The following SLC35D1 variants were observed in gnomAD, a reference collection of about 807,000 sequenced individuals.
SLC35D1 encodes the protein solute carrier family 35 member D1.
In SLC35D1, 31 loss-of-function variants were observed where a neutral mutation model predicts 46.7. The observed-to-expected ratio is 0.66, with a 90% CI of 0.50 to 0.90. The LOEUF is 0.90. Ranked by LOEUF, SLC35D1 falls within the 40% of genes least tolerant of loss-of-function variation. The pLI is 0.00. For missense variants in SLC35D1, 397 were observed against 426.2 expected, an observed-to-expected ratio of 0.93 and a Z score of 0.60; for synonymous variants, 195 against 164.6, an observed-to-expected ratio of 1.18 and a Z score of -1.41.
intron 10 of SLC35D1, among the ~76,000 whole-genome samples, chr1:67,014,823 C>T (rs1286155093): frequency 6.6e-6 from 1 of 151,242 alleles, no homozygotes; most frequent in Non-Finnish European, 1.5e-5. Flanking sequence ...AAATTTGAGA[C>T]TTTAGATTCT....
chr1:67,049,711 T>C, intron 6 of SLC35D1, 71 bp downstream of exon 6: 1 of 1,354,226 alleles, frequency 7.4e-7, no homozygotes. Flanking sequence ...AAATTGTTAT[T>C]GATAAGCAAT....
In SLC35D1 at chr1:67,049,755, T is replaced by C. The variant is rs375369528; in HGVS notation, c.533+27A>G. ...ATCAATAATTATTGACAATTTATAATGTGCTAGTCATAGGCCCACATCTTA... is the reference window on the plus strand; with the variant it reads ...ATCAATAATTATTGACAATTTATAACGTGCTAGTCATAGGCCCACATCTTA... On this transcript the variant is annotated intron_variant, in intron 6 of 11. Transcript: ENST00000235345. 2.0e-5 allele frequency: 31 copies of C among 1,584,442 alleles called. No individual in the cohort carries two copies. In the African/African-American group the frequency reaches 3.6e-4, roughly 19 times the overall value.
At chr1:66,986,881 C>T in the SLC35D1 span, 5 of 147,728 alleles carry the variant, frequency 3.4e-5, no homozygotes, top group South Asian at 2.1e-4. Flanking sequence ...AGCTCTTTGT[C>T]AAAGATGGTC....
At chr1:66,987,554 T>C in the SLC35D1 span, 5 of 152,686 alleles carry the variant, frequency 3.3e-5, no homozygotes, top group Admixed American at 3.3e-4. Context: ...ATTTAAAATT[T>C]CAAATTAGAT....
intron 7 of SLC35D1, among the ~76,000 whole-genome samples, chr1:67,043,441 T>C (rs1570640228): frequency 6.6e-6 from 1 of 152,080 alleles, no homozygotes; most frequent in East Asian, 1.9e-4. Flanking sequence ...CTCAGGAGAC[T>C]GAGGTGGGAG....
chr1:66,991,577 A>G, the SLC35D1 span, among the ~76,000 whole-genome samples: 5 of 152,218 alleles, frequency 3.3e-5, no homozygotes, highest in African/African-American at 1.2e-4. Context: ...ATATCCTGTA[A>G]GTTCGATGGG....
the SLC35D1 span, among the ~76,000 whole-genome samples, chr1:66,975,613 A>G: frequency 1.6e-3 from 248 of 152,320 alleles, 2 homozygotes; most frequent in Non-Finnish European, 3.2e-3. Flanking sequence ...ATATATATAC[A>G]TCAACCCTAC....
At chr1:66,976,798 T>C in the SLC35D1 span, 3 of 1,253,332 alleles carry the variant, frequency 2.4e-6, no homozygotes, top group East Asian at 7.7e-5. Context: ...AGTTAATTAT[T>C]ATTTTGATAA....
downstream of SLC35D1, among the ~76,000 whole-genome samples, chr1:66,995,488 C>CA (rs1362097106): frequency 1.0e-5 from 1 of 98,262 alleles, no homozygotes; most frequent in Admixed American, 1.3e-4. Context: ...AAAAACAGAC[C>CA]AAAACCTCTG....
At chr1:67,042,055 C>A (rs567187613) in intron 8 of SLC35D1, among the ~76,000 whole-genome samples, 181 bp downstream of exon 8, 2 of 152,298 alleles carry the variant, frequency 1.3e-5, no homozygotes, top group South Asian at 4.1e-4. Flanking sequence ...CATCTTTGTA[C>A]TATCCAATGT....
At position 67,001,107 on chromosome 1, in the gene SLC35D1, T is replaced by C. The variant is rs1218243164; in HGVS notation, c.*3233A>G. 6.6e-6 allele frequency: 1 copy of C among 152,292 alleles called. No individual in the cohort carries two copies. The highest frequency in any genetic ancestry group is 6.5e-5 in the Admixed American group (1 of 15,270). 9.4% of individuals were successfully genotyped at this position (152,292 alleles called of 1,614,324 possible). ...TTTTTTCCAGAGCTTAGCAAAATACTTGGCATACAAGAGCTGCTCACTAAG... is the reference window on the plus strand; with the variant it reads ...TTTTTTCCAGAGCTTAGCAAAATACCTGGCATACAAGAGCTGCTCACTAAG... On this transcript the variant is annotated 3_prime_UTR_variant, in exon 12 of 12. Coordinates refer to ENST00000235345, the MANE Select transcript of SLC35D1 (RefSeq NM_015139.3).
At chr1:67,037,484 C>T (rs1434338893) in intron 8 of SLC35D1, among the ~76,000 whole-genome samples, 1 of 147,284 alleles carries the variant, frequency 6.8e-6, no homozygotes, top group Non-Finnish European at 1.5e-5. Flanking sequence ...GCTGTCTAGA[C>T]TCCTGTCTTG....
rs1240667250 is a variant in SLC35D1 at position 66,999,365 on chromosome 1, AT to A, written c.*4974del. On this transcript the variant is annotated 3_prime_UTR_variant, in exon 12 of 12. Transcript: ENST00000235345. ...AGTCTCTGTATGCAGTTACAAAGGAATTTTAATACTTGTTTTCAGGAAAAAG... is the reference window on the plus strand; with the variant it reads ...AGTCTCTGTATGCAGTTACAAAGGAATTTAATACTTGTTTTCAGGAAAAAG... 6.6e-6 allele frequency: 1 copy of A among 152,352 alleles called. No homozygotes were observed. The highest frequency in any genetic ancestry group is 1.9e-4 in the East Asian group (1 of 5,344). 9.4% of individuals were successfully genotyped at this position (152,352 alleles called of 1,614,324 possible).
At chr1:66,982,835 G>A in the SLC35D1 span, among the ~76,000 whole-genome samples, 2 of 152,270 alleles carry the variant, frequency 1.3e-5, no homozygotes, top group Non-Finnish European at 1.5e-5. Flanking sequence ...ACAAAACTTA[G>A]GGCCCAGTAA....
the SLC35D1 span, among the ~76,000 whole-genome samples, chr1:66,989,850 A>G: frequency 6.6e-6 from 1 of 152,242 alleles, no homozygotes; most frequent in African/African-American, 2.4e-5. Context: ...CTGCATCAGA[A>G]TAGATTGATC....
intron 10 of SLC35D1, among the ~76,000 whole-genome samples, chr1:67,019,619 G>A (rs970274445): frequency 2.0e-5 from 3 of 152,178 alleles, no homozygotes; most frequent in African/African-American, 7.2e-5. Context: ...CATCAGAAAG[G>A]AAGTCACAAG....
chr1:67,004,323 A>T lies in SLC35D1; in HGVS notation c.*17T>A. 6.2e-7 allele frequency: 1 copy of T among 1,610,338 alleles called. No individual in the cohort carries two copies. Among genetic ancestry groups the T allele is most frequent in the Non-Finnish European group, 8.5e-7 (1 of 1,176,654 alleles). ...TTAAAAACTTAGGCCTACGTATCAG[A>T]TGAAGCAATCCTCTGGTCACACTGC... On this transcript the variant is annotated 3_prime_UTR_variant, in exon 12 of 12. Transcript: ENST00000235345.
chr1:67,042,350 T>G lies in SLC35D1; in HGVS notation c.637-22A>C, dbSNP rs771061284. 126 of 1,604,510 alleles carry G rather than the reference T, an allele frequency of 7.9e-5. 1 individual carries two copies. The highest frequency in any genetic ancestry group is 1.0e-4 in the Non-Finnish European group (120 of 1,171,342). ...GCTCCTAGGACAGTAAATAATTAGG[T>G]GTTTCATCTGCGTTTTGTTCTAGCA... On this transcript the variant is annotated intron_variant, in intron 7 of 11. Transcript: ENST00000235345.
chr1:67,053,943 C>T lies in SLC35D1; in HGVS notation c.71G>A (p.Arg24Gln). 3.1e-6 allele frequency: 5 copies of T among 1,613,760 alleles called. 1 individual carries two copies. The highest frequency in any genetic ancestry group is 2.2e-5 in the South Asian group (2 of 91,080). Residue 24 changes from arginine to glutamine, a missense_variant, in exon 1 of 12, where the codon CGA becomes CAA. Transcript: ENST00000235345. ...CGCCATCCCCAGCTCCTCCTCATCT[C>T]GGAGTGTGGAGGATTTCGCGGGGGC... ...GEAPAKSSTL[R>Q]DEEELGMASA...
Sources: gnomAD v4.1 joint callset for allele counts (sites outside exome capture counted in the v4.1 genomes callset) on GRCh38, gnomAD v4.1.1 for gene constraint, MANE v1.5 for transcripts, NCBI Gene and HGNC (gene_info 2026-07-23, HGNC 2026-07-21) for gene names.